The following ADAMTS3 variants were observed in gnomAD, a reference collection of about 807,000 sequenced individuals.
ADAMTS3 encodes the protein A disintegrin and metalloproteinase with thrombospondin motifs 3.
ADAMTS3 carries 73 observed loss-of-function variants against 129.0 expected under a neutral mutation model. That is an observed-to-expected ratio of 0.57 (90% CI 0.47 to 0.69). The LOEUF (loss-of-function observed/expected upper bound fraction) is 0.69. Ranked by LOEUF, ADAMTS3 falls within the 30% of genes least tolerant of loss-of-function variation. The pLI is 0.00. For synonymous variants in ADAMTS3, 477 were observed against 510.8 expected, an observed-to-expected ratio of 0.93 and a Z score of 0.89; for missense variants, 1,457 against 1,514.5, an observed-to-expected ratio of 0.96 and a Z score of 0.63.
At chr4:72,357,632 C>A (rs915052762) in intron 4 of ADAMTS3, among the ~76,000 whole-genome samples, 5 of 151,792 alleles carry the variant, frequency 3.3e-5, no homozygotes, top group Admixed American at 3.3e-4. Flanking sequence ...AAAGGCCAAA[C>A]AACACTAGGT....
At chr4:72,452,965 G>C (rs573828621) in intron 3 of ADAMTS3, among the ~76,000 whole-genome samples, 1 of 151,778 alleles carries the variant, frequency 6.6e-6, no homozygotes, top group African/African-American at 2.4e-5. Context: ...GTAGGGGTAG[G>C]GGTATGAAAA....
intron 3 of ADAMTS3, among the ~76,000 whole-genome samples, chr4:72,542,683 T>C (rs965799315): frequency 2.0e-5 from 3 of 152,186 alleles, no homozygotes; most frequent in South Asian, 2.1e-4. Flanking sequence ...CTCCAAAGTA[T>C]GACCCATGAC....
chr4:72,300,345 C>T (rs1233431911), intron 17 of ADAMTS3, among the ~76,000 whole-genome samples: 1 of 152,094 alleles, frequency 6.6e-6, no homozygotes, highest in Non-Finnish European at 1.5e-5. Flanking sequence ...AGATTATAAT[C>T]AGTGGGCAAG....
intron 3 of ADAMTS3, among the ~76,000 whole-genome samples, chr4:72,459,338 T>C (rs1412722658): frequency 6.6e-6 from 1 of 151,636 alleles, no homozygotes; most frequent in East Asian, 2.0e-4. Flanking sequence ...ATTTAAAATT[T>C]ATTTGCTAAA....
chr4:72,363,510 T>G (rs544645299), intron 4 of ADAMTS3, among the ~76,000 whole-genome samples: 1 of 152,140 alleles, frequency 6.6e-6, no homozygotes, highest in South Asian at 2.1e-4. Context: ...CCCAGTGAAA[T>G]TTTTTTGCAA....
intron 4 of ADAMTS3, among the ~76,000 whole-genome samples, chr4:72,348,060 G>A (rs963487788): frequency 2.0e-5 from 3 of 151,942 alleles, no homozygotes; most frequent in Non-Finnish European, 4.4e-5. Context: ...TGACTAATAT[G>A]TTAATATTAA....
At chr4:72,526,729 CATACATAT>C (rs1392173132) in intron 3 of ADAMTS3, among the ~76,000 whole-genome samples, 6 of 42,388 alleles carry the variant, frequency 1.4e-4, no homozygotes, top group African/African-American at 6.1e-4. Context: ...AAAATATATA[CATACATAT>C]ATATATATAT....
At chr4:72,530,000 TATA>T (rs377272060) in intron 3 of ADAMTS3, among the ~76,000 whole-genome samples, 108 of 9,182 alleles carry the variant, frequency 0.012, 33 homozygotes, top group African/African-American at 0.045. Context: ...TATATTTATA[TATA>T]ATATATAATA....
At chr4:72,567,251 G>T in intron 2 of ADAMTS3, 123 bp downstream of exon 2, 1 of 953,848 alleles carries the variant, frequency 1.0e-6, no homozygotes, top group Non-Finnish European at 1.6e-6. Context: ...AAATGTTTCC[G>T]GACTACAGAT....
At chr4:72,474,654 T>A (rs1719176087) in intron 3 of ADAMTS3, among the ~76,000 whole-genome samples, 1 of 152,198 alleles carries the variant, frequency 6.6e-6, no homozygotes, top group Non-Finnish European at 1.5e-5. Context: ...TCAGTAGTTA[T>A]GTACATATAA....
At chr4:72,440,460 A>T in intron 3 of ADAMTS3, among the ~76,000 whole-genome samples, 1 of 151,908 alleles carries the variant, frequency 6.6e-6, no homozygotes, top group Non-Finnish European at 1.5e-5. Flanking sequence ...TTCCATGAAT[A>T]TGTTTTTCCT....
chr4:72,513,479 C>G (rs1019285660), intron 3 of ADAMTS3, among the ~76,000 whole-genome samples: 6 of 152,184 alleles, frequency 3.9e-5, no homozygotes, highest in African/African-American at 1.4e-4. Flanking sequence ...TTCCGTTTCA[C>G]TCCCCACCAT....
chr4:72,325,585 TTG>T (rs1164968202), intron 5 of ADAMTS3, among the ~76,000 whole-genome samples: 1 of 152,128 alleles, frequency 6.6e-6, no homozygotes, highest in Non-Finnish European at 1.5e-5. Flanking sequence ...AAAATGCACT[TTG>T]TGTTAAAATA....
intron 3 of ADAMTS3, among the ~76,000 whole-genome samples, chr4:72,529,998 T>C (rs1303959011): frequency 5.4e-5 from 1 of 18,610 alleles, no homozygotes; most frequent in African/African-American, 2.2e-4. Context: ...ATTATATTTA[T>C]ATATAATATA....
intron 3 of ADAMTS3, among the ~76,000 whole-genome samples, chr4:72,458,048 T>G (rs1234062729): frequency 6.6e-6 from 1 of 151,586 alleles, no homozygotes; most frequent in Non-Finnish European, 1.5e-5. Flanking sequence ...CAGAGTGACA[T>G]GGTAGCAGGG....
chr4:72,443,177 C>G (rs1280132749), intron 3 of ADAMTS3, among the ~76,000 whole-genome samples: 1 of 151,586 alleles, frequency 6.6e-6, no homozygotes, highest in Non-Finnish European at 1.5e-5. Context: ...ACTCAGTCAC[C>G]ACAATCTCAT....
rs1720084501 is a variant in ADAMTS3, at chr4:72,339,675, A to G, written c.680T>C (p.Leu227Pro). 1 of 1,613,696 alleles carries G rather than the reference A, an allele frequency of 6.2e-7. No homozygotes were observed. Among genetic ancestry groups the G allele is most frequent in the Non-Finnish European group, 8.5e-7 (1 of 1,179,812 alleles). ...FHYRESDLEG[L>P]DDLGTVYGNI... is the part of the protein sequence containing the mutation. ...GCCATAAACAGTACCTAGATCATCA[A>G]GGCCTTCCAGGTCCGACTCTAATAA... Residue 227 changes from leucine to proline, a missense_variant, in exon 5 of 22, where the codon CTT becomes CCT. Leu to Pro is a moderately conservative substitution (Grantham distance 98). Coordinates refer to ENST00000286657, the MANE Select transcript of ADAMTS3 (RefSeq NM_014243.3).
At position 72,507,224 on chromosome 4, in the gene ADAMTS3, A is replaced by G. The variant is rs753670287; in HGVS notation, c.504+41254T>C. Among the ~76,000 whole-genome samples the G allele has an allele frequency of 1.5e-3, 225 of 152,288 alleles. 2 individuals carry two copies. The highest frequency in any genetic ancestry group is 2.9e-3 in the Non-Finnish European group (195 of 68,006). ...CACCATCACTGTCTGTGGCAGGTCC[A>G]TTATATATGCCTGCCCAGCTTCCCT... On this transcript the variant is annotated intron_variant, in intron 3 of 21. Coordinates refer to ENST00000286657, the MANE Select transcript of ADAMTS3 (RefSeq NM_014243.3).
intron 3 of ADAMTS3, among the ~76,000 whole-genome samples, chr4:72,437,735 C>CT (rs1717987332): frequency 1.3e-5 from 2 of 151,608 alleles, no homozygotes; most frequent in African/African-American, 4.8e-5. Flanking sequence ...AGCCATGTGG[C>CT]TTTGATTATT....
Sources: gnomAD v4.1 joint callset for allele counts (sites outside exome capture counted in the v4.1 genomes callset) on GRCh38, gnomAD v4.1.1 for gene constraint, MANE v1.5 for transcripts, NCBI Gene and HGNC (gene_info 2026-07-23, HGNC 2026-07-21) for gene names.